The following ASPRV1 variants were observed in gnomAD, a reference collection of about 807,000 sequenced individuals.
ASPRV1 encodes the protein retroviral-like aspartic protease 1.
A neutral mutation model predicts 11.0 loss-of-function variants in ASPRV1; 7 were observed. The ratio of observed to expected loss-of-function variants is 0.64; its 90% confidence interval spans 0.36 to 1.20. The LOEUF is 1.20. ASPRV1 is among the 50% of genes most tolerant of loss of function. The pLI is 0.02. For missense variants in ASPRV1, 299 were observed against 320.0 expected, an observed-to-expected ratio of 0.93 and a Z score of 0.50; for synonymous variants, 136 against 138.4, an observed-to-expected ratio of 0.98 and a Z score of 0.12.
the ASPRV1 span, among the ~76,000 whole-genome samples, chr2:70,039,261 C>A: frequency 6.6e-6 from 1 of 152,052 alleles, no homozygotes; most frequent in Non-Finnish European, 1.5e-5. Flanking sequence ...AAGTCTGCAA[C>A]GCATATAAAG....
chr2:69,945,852 G>C, the ASPRV1 span, among the ~76,000 whole-genome samples: 1 of 152,214 alleles, frequency 6.6e-6, no homozygotes, highest in African/African-American at 2.4e-5. Context: ...AAGGGCAGGG[G>C]CTTTTCTAGG....
chr2:70,037,268 A>C, the ASPRV1 span, among the ~76,000 whole-genome samples: 1 of 152,120 alleles, frequency 6.6e-6, no homozygotes, highest in African/African-American at 2.4e-5. Flanking sequence ...ATAATCAGTG[A>C]CTTGTTAGTC....
chr2:69,945,178 T>G, the ASPRV1 span, among the ~76,000 whole-genome samples: 2 of 152,046 alleles, frequency 1.3e-5, no homozygotes, highest in Admixed American at 1.3e-4. Context: ...GGTCGAAGCT[T>G]CTTTGAGCTA....
the ASPRV1 span, among the ~76,000 whole-genome samples, chr2:69,996,399 A>G: frequency 6.6e-6 from 1 of 151,992 alleles, no homozygotes; most frequent in Non-Finnish European, 1.5e-5. Flanking sequence ...CTCAAAAAAA[A>G]AATTCAATTT....
chr2:70,002,876 T>TA, the ASPRV1 span, among the ~76,000 whole-genome samples: 8 of 152,204 alleles, frequency 5.3e-5, no homozygotes, highest in African/African-American at 1.9e-4. Context: ...TTCTGAGTGA[T>TA]AGAGTATGCT....
At chr2:70,039,927 C>T in the ASPRV1 span, among the ~76,000 whole-genome samples, 2 of 152,074 alleles carry the variant, frequency 1.3e-5, no homozygotes, top group Non-Finnish European at 1.5e-5. Flanking sequence ...TAACAAATGA[C>T]GCCAGACAGT....
chr2:69,980,298 A>G, the ASPRV1 span, among the ~76,000 whole-genome samples: 1 of 152,242 alleles, frequency 6.6e-6, no homozygotes, highest in East Asian at 1.9e-4. Flanking sequence ...ACTGGCCACC[A>G]AACAGATGAA....
the ASPRV1 span, among the ~76,000 whole-genome samples, chr2:69,946,895 C>A: frequency 6.6e-6 from 1 of 152,186 alleles, no homozygotes; most frequent in Non-Finnish European, 1.5e-5. Flanking sequence ...CCCTACAGGG[C>A]AGTTCCTCTC....
At chr2:70,006,189 G>A in the ASPRV1 span, among the ~76,000 whole-genome samples, 1 of 152,164 alleles carries the variant, frequency 6.6e-6, no homozygotes, top group South Asian at 2.1e-4. Flanking sequence ...CAGGTGTCCT[G>A]TGCTGGGGCT....
the ASPRV1 span, among the ~76,000 whole-genome samples, chr2:70,072,269 G>C: frequency 6.6e-6 from 1 of 151,412 alleles, no homozygotes; most frequent in Admixed American, 6.6e-5. Flanking sequence ...AAAATTTTTA[G>C]AATTAGCCTG....
chr2:69,937,137 A>C, the ASPRV1 span: 2 of 1,471,550 alleles, frequency 1.4e-6, no homozygotes, highest in Non-Finnish European at 1.9e-6. Context: ...CGTCTGAGGA[A>C]GTGTGGCGCA....
At chr2:70,022,033 G>C in the ASPRV1 span, among the ~76,000 whole-genome samples, 169 of 149,208 alleles carry the variant, frequency 1.1e-3, no homozygotes, top group Non-Finnish European at 1.9e-3. Flanking sequence ...TGTTTTGTTT[G>C]AGATGGAGTC....
chr2:70,048,789 G>A, the ASPRV1 span: 1 of 152,306 alleles, frequency 6.6e-6, no homozygotes, highest in Non-Finnish European at 1.5e-5. Context: ...CTCTAGGGAA[G>A]AATCCTTCCT....
chr2:70,009,994 T>C, the ASPRV1 span, among the ~76,000 whole-genome samples: 6 of 152,122 alleles, frequency 3.9e-5, no homozygotes, highest in African/African-American at 1.2e-4. Context: ...GGGTGCCTGA[T>C]GGGTGTGGCC....
At chr2:70,079,375 G>C in the ASPRV1 span, among the ~76,000 whole-genome samples, 250 of 152,260 alleles carry the variant, frequency 1.6e-3, no homozygotes, top group Non-Finnish European at 2.6e-3. Flanking sequence ...CACTGAGGAG[G>C]GGAGGGAGGA....
the ASPRV1 span, chr2:70,030,781 CCT>C: frequency 6.6e-6 from 1 of 152,038 alleles, no homozygotes; most frequent in Non-Finnish European, 1.5e-5. Context: ...GACTACTCTC[CCT>C]GATTTTGCCA....
At chr2:69,937,376 C>T in the ASPRV1 span, 7 of 1,609,460 alleles carry the variant, frequency 4.3e-6, no homozygotes, top group East Asian at 2.2e-5. Flanking sequence ...CTCCTCGGAG[C>T]GCTCCGACTC....
At chr2:69,972,028 G>A in the ASPRV1 span, among the ~76,000 whole-genome samples, 1 of 152,064 alleles carries the variant, frequency 6.6e-6, no homozygotes, top group African/African-American at 2.4e-5. Context: ...TTGCTTTCAT[G>A]GCTGTGATTC....
At chr2:70,060,630 C>G in the ASPRV1 span, among the ~76,000 whole-genome samples, 2 of 151,442 alleles carry the variant, frequency 1.3e-5, no homozygotes, top group Non-Finnish European at 2.9e-5. Context: ...CTGACCACCA[C>G]GGTGAAACCC....
Sources: gnomAD v4.1 joint callset for allele counts (sites outside exome capture counted in the v4.1 genomes callset) on GRCh38, gnomAD v4.1.1 for gene constraint, MANE v1.5 for transcripts, NCBI Gene and HGNC (gene_info 2026-07-23, HGNC 2026-07-21) for gene names.